ABCC2: variants seen among roughly 807,000 people sequenced by gnomAD.
The protein encoded by ABCC2 is ATP binding cassette subfamily C member 2, also known as ATP-binding cassette sub-family C member 2.
Under a neutral mutation model 173.4 loss-of-function variants are expected in ABCC2, and 157 were observed. The ratio of observed to expected loss-of-function variants is 0.91; its 90% confidence interval spans 0.80 to 1.03. The LOEUF is 1.03. ABCC2 is among the 50% of genes least tolerant of loss of function. The pLI is 0.00. For missense variants in ABCC2, 1,822 were observed against 1,852.3 expected (o/e 0.98, Z 0.30); for synonymous variants, 657 against 693.5 (o/e 0.95, Z 0.83).
chr10:99,820,040 C>T (rs752854099), intron 19 of ABCC2, among the ~76,000 whole-genome samples: 1 of 152,188 alleles, frequency 6.6e-6, no homozygotes, highest in Non-Finnish European at 1.5e-5. Context: ...AGTAGCTACA[C>T]AGCCTACAAG....
chr10:99,834,313 C>T (rs2038784326), intron 23 of ABCC2, 67 bp from the exon 24 acceptor site: 9 of 1,515,010 alleles, frequency 5.9e-6, no homozygotes, highest in South Asian at 3.4e-5. Context: ...CTTGCTAGAA[C>T]TAGGAAGATG....
chr10:99,797,398 G>A (rs2037936799), intron 7 of ABCC2, 67 bp downstream of exon 7: 1 of 1,400,024 alleles, frequency 7.1e-7, no homozygotes, highest in Non-Finnish European at 9.9e-7. Flanking sequence ...TCAGCATCAT[G>A]GCGATTCTGT....
At chr10:99,805,929 C>A (rs529357521) in intron 11 of ABCC2, among the ~76,000 whole-genome samples, 3 of 152,074 alleles carry the variant, frequency 2.0e-5, no homozygotes, top group African/African-American at 7.2e-5. Context: ...AATTAACATT[C>A]TTTGATACCA....
Position 99,814,546 on chromosome 10 carries a change from C to T in ABCC2, c.2094+1402C>T, listed in dbSNP as rs866038719. Reference sequence around the variant, plus strand: ...ACATATATATACACATATACACACACATATGTGTATATACACATATACACA... The same window carrying T: ...ACATATATATACACATATACACACATATATGTGTATATACACATATACACA... On this transcript the variant is annotated intron_variant, in intron 16 of 31. Coordinates refer to ENST00000647814, the MANE Select transcript of ABCC2 (RefSeq NM_000392.5). Among the ~76,000 whole-genome samples, 38 of 100,680 alleles carry T rather than the reference C, an allele frequency of 3.8e-4. 2 individuals carry two copies. Among genetic ancestry groups the T allele is most frequent in the African/African-American group, 1.5e-3 (36 of 24,448 alleles). The allele number at this position is 100,680 out of a possible 152,430, so 66.0% of individuals were successfully genotyped here.
At chr10:99,846,033 C>A (rs1319019498) in intron 29 of ABCC2, among the ~76,000 whole-genome samples, 1 of 152,200 alleles carries the variant, frequency 6.6e-6, no homozygotes, top group Non-Finnish European at 1.5e-5. Context: ...GTACAGCAGA[C>A]GATTCTTTAG....
At position 99,808,180 on chromosome 10, in the gene ABCC2, T is replaced by C. The variant is rs1590157887; in HGVS notation, c.1766T>C (p.Leu589Pro). The C allele has an allele frequency of 1.2e-6, 2 of 1,614,152 alleles. No homozygotes were observed. Among genetic ancestry groups the C allele is most frequent in the South Asian group, 1.1e-5 (1 of 91,084 alleles). Residue 589 changes from leucine (L) to proline (P), a missense_variant, in exon 13 of 32, where the codon CTG becomes CCG. Leu to Pro is a moderately conservative substitution (Grantham distance 98). Transcript: ENST00000647814. ...AFTSITLFNI[L>P]RFPLSMLPMM... is the part of the protein sequence containing the mutation. ...ACCTCCATTACCCTCTTCAATATCC[T>C]GCGCTTTCCCCTGAGCATGCTTCCC... is the stretch of plus-strand genomic sequence containing the variant.
rs1291685955 is a variant in ABCC2 at position 99,814,262 on chromosome 10, C to CAT, written c.2094+1118_2094+1119insAT. Among the ~76,000 whole-genome samples the CAT allele has an allele frequency of 1.8e-3, 48 of 26,378 alleles. 8 individuals are homozygous for CAT. Among genetic ancestry groups the CAT allele is most frequent in the African/African-American group, 6.5e-3 (43 of 6,614 alleles). The allele number at this position is 26,378 out of a possible 152,430, so 17.3% of individuals were successfully genotyped here. A position where few individuals can be genotyped will look rare whatever the true frequency, so the allele number is the denominator to read the frequency against. ...ATATGCACACACGTATGTATACACACGTATGTATACACACGTATGTATACA... is the reference window on the plus strand; with the variant it reads ...ATATGCACACACGTATGTATACACACATGTATGTATACACACGTATGTATACA... On this transcript the variant is annotated intron_variant, in intron 16 of 31. Coordinates refer to ENST00000647814, the MANE Select transcript of ABCC2 (RefSeq NM_000392.5).
intron 30 of ABCC2, among the ~76,000 whole-genome samples, chr10:99,850,066 A>G (rs2039067370): frequency 6.6e-6 from 1 of 152,266 alleles, no homozygotes; most frequent in Non-Finnish European, 1.5e-5. Flanking sequence ...ACAAATAATT[A>G]GCCTTGAGGC....
At chr10:99,846,928 G>C in intron 29 of ABCC2, 33 bp from the exon 30 acceptor site, 1 of 1,613,760 alleles carries the variant, frequency 6.2e-7, no homozygotes, top group Middle Eastern at 1.6e-4. Context: ...TCTGGCATGA[G>C]CCCCAACAGC....
Position 99,815,628 on chromosome 10 carries a change from A to G in ABCC2, c.2095-1680A>G, listed in dbSNP as rs182267816. 3.9e-3 allele frequency among the ~76,000 whole-genome samples: 591 copies of G among 152,316 alleles called. 3 individuals carry two copies. Among genetic ancestry groups the G allele is most frequent in the Admixed American group, 3.3e-3 (51 of 15,302 alleles). On this transcript the variant is annotated intron_variant, in intron 16 of 31. Coordinates refer to ENST00000647814, the MANE Select transcript of ABCC2 (RefSeq NM_000392.5). ...ATTGTTATCACTACTTGTACCAAAC[A>G]GAGGAGTATCTATAGATTTTCAGCT...
intron 19 of ABCC2, among the ~76,000 whole-genome samples, chr10:99,820,477 G>C (rs1056273264): frequency 3.3e-5 from 5 of 152,028 alleles, no homozygotes; most frequent in Non-Finnish European, 7.4e-5. Flanking sequence ...TCTAAGCCAG[G>C]GCTGGATGTG....
At chr10:99,830,670 A>G (rs1409137252) in intron 20 of ABCC2, 46 bp from the exon 21 acceptor site, 2 of 1,613,432 alleles carry the variant, frequency 1.2e-6, no homozygotes, top group Non-Finnish European at 1.7e-6. Flanking sequence ...TTGCAAGAAG[A>G]CCCTTGGGAA....
chr10:99,792,427 T>A, intron 3 of ABCC2, 68 bp downstream of exon 3: 2 of 1,589,264 alleles, frequency 1.3e-6, no homozygotes, highest in Non-Finnish European at 1.7e-6. Context: ...TGAAATGTAC[T>A]CTTTGGGGAT....
At chr10:99,848,797 A>T (rs2039051967) in intron 30 of ABCC2, among the ~76,000 whole-genome samples, 1 of 152,208 alleles carries the variant, frequency 6.6e-6, no homozygotes. Flanking sequence ...TTTAGTGTGT[A>T]GCCCCAGGGA....
At chr10:99,817,545 T>C in intron 17 of ABCC2, 61 bp downstream of exon 17, 2 of 1,579,338 alleles carry the variant, frequency 1.3e-6, no homozygotes, top group Non-Finnish European at 1.7e-6. Flanking sequence ...AAAGTGAGGA[T>C]GGTGGTGAAG....
Position 99,813,117 on chromosome 10 carries a change from A to T in ABCC2, c.2067A>T (p.Glu689Asp), listed in dbSNP as rs771119171. Residue 689 changes from glutamate (E) to aspartate (D), a missense_variant, in exon 16 of 32, where the codon GAA (glutamate) becomes GAT (aspartate). Physicochemically the swap from Glu to Asp is conservative, Grantham distance 45. Coordinates refer to ENST00000647814, the MANE Select transcript of ABCC2 (RefSeq NM_000392.5). ...TATCAGCCATGCTGGGAGAAATGGA[A>T]AATGTCCACGGGCACATCACCATCA... ...SLISAMLGEM[E>D]NVHGHITIKG... 6.2e-7 allele frequency: 1 copy of T among 1,614,016 alleles called. No individual in the cohort carries two copies. The highest frequency in any genetic ancestry group is 8.5e-7 in the Non-Finnish European group (1 of 1,179,892).
chr10:99,799,651 G>A (rs945025657), intron 8 of ABCC2, among the ~76,000 whole-genome samples: 4 of 152,130 alleles, frequency 2.6e-5, no homozygotes, highest in Non-Finnish European at 5.9e-5. Context: ...GCTAAGGGCT[G>A]AGCCAGATCC....
intron 17 of ABCC2, among the ~76,000 whole-genome samples, chr10:99,818,458 C>T (rs2038461559): frequency 6.6e-6 from 1 of 151,936 alleles, no homozygotes. Flanking sequence ...TTATTGAGCA[C>T]CTACTATGTG....
chr10:99,810,294 G>A, intron 14 of ABCC2, 76 bp downstream of exon 14: 2 of 1,143,658 alleles, frequency 1.7e-6, no homozygotes, highest in South Asian at 2.5e-5. Flanking sequence ...CAAGAGCTTA[G>A]TAGCAGCAAA....
Sources: gnomAD v4.1 joint callset for allele counts (sites outside exome capture counted in the v4.1 genomes callset) on GRCh38, gnomAD v4.1.1 for gene constraint, MANE v1.5 for transcripts, NCBI Gene and HGNC (gene_info 2026-07-23, HGNC 2026-07-21) for gene names.